The following CSMD1 variants were observed in gnomAD, a reference collection of about 807,000 sequenced individuals.
CSMD1 encodes CUB and Sushi multiple domains 1.
A neutral mutation model predicts 417.5 loss-of-function variants in CSMD1; 213 were observed. The ratio of observed to expected loss-of-function variants is 0.51; its 90% CI spans 0.46 to 0.57. The LOEUF (loss-of-function observed/expected upper bound fraction) is 0.57. CSMD1 is among the 20% of genes least tolerant of loss of function. The pLI is 0.00. For synonymous variants in CSMD1, 2,862 were observed against 1,736.8 expected, an observed-to-expected ratio of 1.65 and a Z score of -16.11; for missense variants, 6,923 against 4,529.7, an observed-to-expected ratio of 1.53 and a Z score of -15.17.
chr8:3,642,189 T>C (rs1021423257), intron 7 of CSMD1, among the ~76,000 whole-genome samples: 3 of 151,342 alleles, frequency 2.0e-5, no homozygotes, highest in African/African-American at 7.3e-5. Context: ...TAATATATAA[T>C]ATATAGAAGA....
intron 3 of CSMD1, among the ~76,000 whole-genome samples, chr8:4,272,471 G>A (rs936453907): frequency 1.3e-5 from 2 of 152,018 alleles, no homozygotes; most frequent in Admixed American, 6.6e-5. Flanking sequence ...TGAGTATATA[G>A]GCACAGATAA....
chr8:3,796,536 ATATC>A (rs1331915314), intron 5 of CSMD1, among the ~76,000 whole-genome samples: 2 of 144,968 alleles, frequency 1.4e-5, no homozygotes, highest in African/African-American at 5.0e-5. Flanking sequence ...TCTAAGATAT[ATATC>A]TATATCCATA....
chr8:4,879,274 G>C (rs1308489619), intron 1 of CSMD1, among the ~76,000 whole-genome samples: 1 of 151,964 alleles, frequency 6.6e-6, no homozygotes, highest in Admixed American at 6.6e-5. Flanking sequence ...GAATAGGGGA[G>C]ATAGTTTCAA....
intron 3 of CSMD1, among the ~76,000 whole-genome samples, chr8:4,360,100 T>C (rs4875338): frequency 9.2e-5 from 14 of 152,054 alleles, no homozygotes; most frequent in African/African-American, 3.4e-4. Context: ...TTAACATATC[T>C]GTATGTCTGG....
At chr8:4,497,435 A>G (rs1476312037) in intron 2 of CSMD1, among the ~76,000 whole-genome samples, 1 of 152,204 alleles carries the variant, frequency 6.6e-6, no homozygotes, top group Non-Finnish European at 1.5e-5. Context: ...CCGCTTTTCA[A>G]TTTATGCATA....
chr8:3,303,616 C>G (rs542877137), intron 25 of CSMD1, among the ~76,000 whole-genome samples: 1 of 152,166 alleles, frequency 6.6e-6, no homozygotes, highest in Non-Finnish European at 1.5e-5. Flanking sequence ...GACAATTACA[C>G]TGGCAGAAAA....
intron 3 of CSMD1, among the ~76,000 whole-genome samples, chr8:4,249,645 C>A (rs1802931371): frequency 6.6e-6 from 1 of 152,162 alleles, no homozygotes; most frequent in Non-Finnish European, 1.5e-5. Context: ...TGGAACGTGG[C>A]TCTAGGCTTG....
At chr8:4,240,691 A>G (rs1420449117) in intron 3 of CSMD1, among the ~76,000 whole-genome samples, 1 of 152,150 alleles carries the variant, frequency 6.6e-6, no homozygotes, top group African/African-American at 2.4e-5. Flanking sequence ...CCTAATGTAA[A>G]TGTACCACAA....
chr8:3,305,661 A>G (rs1264506558), intron 25 of CSMD1, among the ~76,000 whole-genome samples: 1 of 152,080 alleles, frequency 6.6e-6, no homozygotes, highest in African/African-American at 2.4e-5. Flanking sequence ...TAAGAAACTA[A>G]ACTTCTTAAC....
chr8:3,370,114 C>A (rs537349323), intron 18 of CSMD1, among the ~76,000 whole-genome samples: 4 of 152,174 alleles, frequency 2.6e-5, no homozygotes, highest in Admixed American at 1.3e-4. Flanking sequence ...GAGTTGCTAA[C>A]GGGAATTCAA....
chr8:3,327,459 G>C (rs1261269872), intron 23 of CSMD1, among the ~76,000 whole-genome samples: 2 of 152,274 alleles, frequency 1.3e-5, no homozygotes, highest in East Asian at 3.9e-4. Flanking sequence ...TTATAGCACA[G>C]AAAATTCTGA....
intron 1 of CSMD1, among the ~76,000 whole-genome samples, chr8:4,700,047 G>T (rs944131154): frequency 3.9e-5 from 6 of 152,154 alleles, no homozygotes; most frequent in African/African-American, 1.2e-4. Context: ...AGCCATGAAG[G>T]AGAAACCACT....
At chr8:3,240,746 G>C (rs1335089142) in intron 26 of CSMD1, among the ~76,000 whole-genome samples, 1 of 152,116 alleles carries the variant, frequency 6.6e-6, no homozygotes, top group Non-Finnish European at 1.5e-5. Context: ...ATCGAGGTTA[G>C]GAGAGTATAT....
At chr8:3,362,191 G>A (rs77103084) in intron 20 of CSMD1, among the ~76,000 whole-genome samples, 11,528 of 152,028 alleles carry the variant, frequency 0.076, 587 homozygotes, top group East Asian at 0.22. Flanking sequence ...CCAATCTCTG[G>A]ACTTCACAGT....
chr8:4,743,859 T>C (rs1179838749), intron 1 of CSMD1, among the ~76,000 whole-genome samples: 1 of 152,176 alleles, frequency 6.6e-6, no homozygotes, highest in African/African-American at 2.4e-5. Flanking sequence ...CTTTTCTCTG[T>C]CCGTTCCCAC....
chr8:4,792,681 G>C (rs1211327307), intron 1 of CSMD1, among the ~76,000 whole-genome samples: 1 of 152,032 alleles, frequency 6.6e-6, no homozygotes, highest in East Asian at 1.9e-4. Context: ...ATAATCAATG[G>C]GTCCAGAACC....
intron 2 of CSMD1, among the ~76,000 whole-genome samples, chr8:4,593,654 G>C (rs1345354398): frequency 1.3e-5 from 2 of 152,114 alleles, no homozygotes; most frequent in African/African-American, 2.4e-5. Context: ...GCTCTGAAAA[G>C]ACCTTAGTTT....
chr8:3,376,933 G>T (rs1023915931), intron 18 of CSMD1, among the ~76,000 whole-genome samples: 1 of 152,156 alleles, frequency 6.6e-6, no homozygotes, highest in African/African-American at 2.4e-5. Flanking sequence ...CTTATGGTTG[G>T]ATGAAAACTA....
intron 7 of CSMD1, among the ~76,000 whole-genome samples, chr8:3,641,959 C>T (rs1476084323): frequency 6.6e-6 from 1 of 152,146 alleles, no homozygotes; most frequent in Non-Finnish European, 1.5e-5. Context: ...ATCCCTGACA[C>T]AGATGGGGAG....
Sources: gnomAD v4.1 joint callset for allele counts (sites outside exome capture counted in the v4.1 genomes callset) on GRCh38, gnomAD v4.1.1 for gene constraint, MANE v1.5 for transcripts, NCBI Gene and HGNC (gene_info 2026-07-23, HGNC 2026-07-21) for gene names.